The following SORBS2 variants were observed in gnomAD, a reference collection of about 807,000 sequenced individuals.
The protein encoded by SORBS2 is sorbin and SH3 domain-containing protein 2.
Under a neutral mutation model 97.7 loss-of-function variants are expected in SORBS2, and 46 were observed. The observed-to-expected ratio is 0.47, with a 90% CI of 0.37 to 0.60. The LOEUF is 0.60. Among genes scored for constraint, SORBS2 ranks in the 20% least tolerant of loss-of-function variants. The pLI, the probability that SORBS2 is intolerant of heterozygous loss-of-function variation, is 0.00. For synonymous variants in SORBS2, 476 were observed against 473.4 expected (o/e 1.01, Z -0.07); for missense variants, 1,316 against 1,282.3 (o/e 1.03, Z -0.40).
chr4:185,737,992 GAC>G (rs2098698970), intron 2 of SORBS2, among the ~76,000 whole-genome samples: 2 of 152,212 alleles, frequency 1.3e-5, no homozygotes, highest in African/African-American at 4.8e-5. Flanking sequence ...TCGTGAAACG[GAC>G]ACACTACGGG....
Position 185,928,956 on chromosome 4 carries a change from T to G in SORBS2, c.-338+27240A>C, listed in dbSNP as rs185839822. Among the ~76,000 whole-genome samples, 53 of 152,298 alleles carry G rather than the reference T, an allele frequency of 3.5e-4. 1 individual carries two copies. The highest frequency in any genetic ancestry group is 3.4e-3 in the Middle Eastern group (1 of 294). On this transcript the variant is annotated intron_variant, in intron 1 of 20. Coordinates refer to the SORBS2 transcript ENST00000284776. ...TGAAATAGAGGGCGTATGCCTTACA[T>G]AAACACATCCAAACTCTTATGGTAA...
At chr4:185,698,322 A>C (rs901526999) in intron 2 of SORBS2, among the ~76,000 whole-genome samples, 10 of 152,146 alleles carry the variant, frequency 6.6e-5, no homozygotes, top group South Asian at 2.1e-4. Flanking sequence ...ACTAAAATTC[A>C]AAAATTAGCC....
At position 185,627,619 on chromosome 4, in the gene SORBS2, C is replaced by G. The variant is rs1006374115; in HGVS notation, c.447-600G>C. ...TTTCCTCTTGCACAGTTTCCCTTAT[C>G]ATTTACATATTCTTTTGGTGGGTAC... On this transcript the variant is annotated intron_variant, in intron 5 of 14. Coordinates refer to ENST00000418609, the Ensembl canonical transcript of SORBS2. Among the ~76,000 whole-genome samples, 6 of 152,114 alleles carry G rather than the reference C, an allele frequency of 3.9e-5. No homozygotes were observed. In the East Asian group the frequency reaches 7.7e-4, roughly 20 times the overall value.
In SORBS2 at chr4:185,677,784, G is replaced by C. The variant is rs1582535329; in HGVS notation, c.-46+639C>G. 6.4e-6 allele frequency: 3 copies of C among 467,604 alleles called. No homozygotes were observed. In the East Asian group the frequency reaches 1.4e-4, roughly 22 times the overall value. 29.0% of individuals were successfully genotyped at this position (467,604 alleles called of 1,614,324 possible). On this transcript the variant is annotated intron_variant, in intron 4 of 20. Transcript: ENST00000284776. ...ACCTTCTGATTATGCTATCCATTTT[G>C]TTAGCTAGATTGAGTGATCATTTTC... is the stretch of plus-strand genomic sequence containing the variant.
upstream of SORBS2, among the ~76,000 whole-genome samples, chr4:185,660,563 G>A (rs868618838): frequency 6.6e-6 from 1 of 152,194 alleles, no homozygotes; most frequent in African/African-American, 2.4e-5. Context: ...TACCTTTAAA[G>A]TTTTATAGTT....
chr4:185,708,676 A>G (rs2098382291), intron 2 of SORBS2, among the ~76,000 whole-genome samples: 3 of 152,156 alleles, frequency 2.0e-5, no homozygotes, highest in Admixed American at 2.0e-4. Context: ...GCCTGCCTCC[A>G]TTTTACCCCT....
intron 4 of SORBS2, 118 bp from the exon 15 acceptor site, chr4:185,638,280 C>A: frequency 1.4e-6 from 1 of 710,132 alleles, no homozygotes; most frequent in South Asian, 1.6e-5. Context: ...TCAACTCTCA[C>A]CCCACGAACC....
intron 1 of SORBS2, among the ~76,000 whole-genome samples, chr4:185,899,093 G>C (rs2099246345): frequency 6.6e-6 from 1 of 152,144 alleles, no homozygotes; most frequent in African/African-American, 2.4e-5. Flanking sequence ...TGGAACAAAG[G>C]AGACAGGAAT....
In SORBS2 at chr4:185,606,550, G is replaced by A. The variant is rs1457436027; in HGVS notation, c.2796+5230C>T. On this transcript the variant is annotated intron_variant, in intron 12 of 14. Transcript: ENST00000418609. This position sits in a 1 kb window ranked among gnomAD's most constrained non-coding sequence, Gnocchi z 4.3. ...CTAATAGCTAATCATGGTAAGGCCG[G>A]TTAGTTCTTCCATAATCAGACAAAA... is the stretch of plus-strand genomic sequence containing the variant. The A allele has an allele frequency of 1.0e-5, 10 of 985,100 alleles. No individual in the cohort carries two copies. The highest frequency in any genetic ancestry group is 1.2e-5 in the Non-Finnish European group (10 of 829,782). The allele number at this position is 985,100 out of a possible 1,614,324, so 61.0% of individuals were successfully genotyped here. A position where few individuals can be genotyped will look rare whatever the true frequency, so the allele number is the denominator to read the frequency against.
chr4:185,906,179 A>G (rs1451697467), intron 1 of SORBS2, among the ~76,000 whole-genome samples: 5 of 152,170 alleles, frequency 3.3e-5, no homozygotes, highest in Non-Finnish European at 7.4e-5. Context: ...GACTACTGGC[A>G]TGCACCACCA....
At chr4:185,862,953 T>G (rs62334980) in intron 1 of SORBS2, among the ~76,000 whole-genome samples, 3,957 of 152,272 alleles carry the variant, frequency 0.026, 84 homozygotes, top group South Asian at 0.05. Flanking sequence ...ACTCTTGTAG[T>G]CAAACCTGCT....
At chr4:185,904,615 T>C (rs1056112194) in intron 1 of SORBS2, among the ~76,000 whole-genome samples, 28 of 152,208 alleles carry the variant, frequency 1.8e-4, no homozygotes, top group African/African-American at 6.8e-4. Flanking sequence ...TGCCGCACAA[T>C]GACAAAAGCA....
rs112552531 is a variant in SORBS2 at position 185,622,495 on chromosome 4, C to G, written c.2215+419G>C. The stretch of plus-strand genomic sequence containing the variant: ...ATAGTATCTTCTATATAGAATGTGA[C>G]AAATTATTTATTAACTGAATGAATA... On this transcript the variant is annotated intron_variant, in intron 7 of 14. Transcript: ENST00000418609. Among the ~76,000 whole-genome samples the G allele has an allele frequency of 6.3e-3, 954 of 152,224 alleles. 6 individuals carry two copies. The highest frequency in any genetic ancestry group is 0.021 in the African/African-American group (868 of 41,538).
At chr4:185,599,595 CG>C (rs931263915) in intron 12 of SORBS2, among the ~76,000 whole-genome samples, 8 of 152,098 alleles carry the variant, frequency 5.3e-5, no homozygotes, top group African/African-American at 1.9e-4. Context: ...CAAACATGAC[CG>C]GAAGTGTGTG....
intron 1 of SORBS2, among the ~76,000 whole-genome samples, chr4:185,857,514 C>A (rs1477469962): frequency 1.3e-5 from 2 of 152,146 alleles, no homozygotes; most frequent in Non-Finnish European, 2.9e-5. Flanking sequence ...GAAATCAGTG[C>A]ACCCTGAAAA....
chr4:185,606,263 TACTC>T lies in SORBS2; in HGVS notation c.2796+5513_2796+5516del, dbSNP rs2096415706. The T allele has an allele frequency of 1.0e-6, 1 of 984,890 alleles. No individual in the cohort carries two copies. The highest frequency in any genetic ancestry group is 1.2e-6 in the Non-Finnish European group (1 of 829,438). 61.0% of individuals were successfully genotyped at this position (984,890 alleles called of 1,614,324 possible). On this transcript the variant is annotated intron_variant, in intron 12 of 14. Coordinates refer to ENST00000418609, the Ensembl canonical transcript of SORBS2. This position sits in a 1 kb window ranked among gnomAD's most constrained non-coding sequence, Gnocchi z 4.3. The stretch of plus-strand genomic sequence containing the variant: ...GTGGAGTTTTTAGAATAGTGTCTGA[TACTC>T]AGTAAGAGCTCCACTATTAGCTATC...
chr4:185,610,622 C>T (rs2096521012), intron 12 of SORBS2, among the ~76,000 whole-genome samples: 1 of 152,128 alleles, frequency 6.6e-6, no homozygotes, highest in African/African-American at 2.4e-5. Flanking sequence ...ATCATTTCCT[C>T]ATATAAAATC....
At chr4:185,917,201 G>A (rs2099258628) in intron 1 of SORBS2, among the ~76,000 whole-genome samples, 1 of 152,160 alleles carries the variant, frequency 6.6e-6, no homozygotes, top group South Asian at 2.1e-4. Context: ...ACCCTGCCCT[G>A]TGCGTCTCTT....
At chr4:185,639,580 C>T (rs2097093503) in intron 4 of SORBS2, among the ~76,000 whole-genome samples, 1 of 152,152 alleles carries the variant, frequency 6.6e-6, no homozygotes, top group Admixed American at 6.5e-5. Context: ...ATTTAGGCTG[C>T]TGATTTTGTA....
Sources: gnomAD v4.1 joint callset for allele counts (sites outside exome capture counted in the v4.1 genomes callset) on GRCh38, gnomAD v4.1.1 for gene constraint, Gnocchi (gnomAD v3.1) non-coding constraint, MANE v1.5 for transcripts, NCBI Gene and HGNC (gene_info 2026-07-23, HGNC 2026-07-21) for gene names.